RPH3A: variants seen among roughly 807,000 people sequenced by gnomAD.
The protein encoded by RPH3A is rabphilin 3A, also known as rabphilin-3A.
RPH3A carries 48 observed loss-of-function variants against 102.2 expected under a neutral mutation model. That is an observed-to-expected ratio of 0.47 (90% CI 0.37 to 0.60). The LOEUF is 0.60. Among genes scored for constraint, RPH3A ranks in the 20% least tolerant of loss-of-function variants. RPH3A has a pLI of 0.00. For missense variants in RPH3A, 781 were observed against 910.1 expected, an observed-to-expected ratio of 0.86 and a Z score of 1.83; for synonymous variants, 310 against 324.3, an observed-to-expected ratio of 0.96 and a Z score of 0.47.
chr12:112,681,907 T>G (rs1009292022), intron 1 of RPH3A, among the ~76,000 whole-genome samples: 2 of 152,244 alleles, frequency 1.3e-5, no homozygotes, highest in African/African-American at 4.8e-5. Context: ...TTTTTTAGCA[T>G]GGCTTGCAAA....
rs1592958320 is a variant in RPH3A at position 112,713,088 on chromosome 12, CTTCTTCTTCTTCTTT to C, written c.-139-79053_-139-79039del. ...TCTTCTTCTTCTTCTTCTTCTTCTT[CTTCTTCTTCTTCTTT>C]TATTTTTTTGTAGAGAAAGGGTCTC... On this transcript the variant is annotated intron_variant, in intron 1 of 21. Transcript: ENST00000543106. 3.3e-5 allele frequency among the ~76,000 whole-genome samples: 4 copies of C among 120,982 alleles called. 1 individual carries two copies. Among genetic ancestry groups the C allele is most frequent in the South Asian group, 5.7e-4 (2 of 3,480 alleles). 79.4% of individuals were successfully genotyped at this position (120,982 alleles called of 152,430 possible).
At chr12:112,726,455 T>C (rs1441286907) in intron 1 of RPH3A, among the ~76,000 whole-genome samples, 1 of 152,222 alleles carries the variant, frequency 6.6e-6, no homozygotes, top group Admixed American at 6.5e-5. Flanking sequence ...GCTTTGAGTG[T>C]ACCCAGCACC....
intron 1 of RPH3A, among the ~76,000 whole-genome samples, chr12:112,584,424 T>A (rs2039423506): frequency 6.6e-6 from 1 of 152,182 alleles, no homozygotes. Context: ...TATTTGAGCC[T>A]GAACTAACAC....
At chr12:112,785,274 T>C (rs2041040904) in intron 1 of RPH3A, among the ~76,000 whole-genome samples, 2 of 150,854 alleles carry the variant, frequency 1.3e-5, no homozygotes, top group Non-Finnish European at 1.5e-5. Context: ...TGGCAGAGCA[T>C]AGTTAGGCAA....
At chr12:112,774,988 C>G (rs1453049136) in intron 1 of RPH3A, among the ~76,000 whole-genome samples, 2 of 150,502 alleles carry the variant, frequency 1.3e-5, no homozygotes, top group African/African-American at 4.9e-5. Flanking sequence ...AAAGAAAATC[C>G]TTCAAAGAAT....
At chr12:112,628,401 G>A (rs764216375) in intron 1 of RPH3A, among the ~76,000 whole-genome samples, 1 of 151,438 alleles carries the variant, frequency 6.6e-6, no homozygotes, top group African/African-American at 2.4e-5. Context: ...GGGGCAGATT[G>A]GGAAGAGCCT....
intron 1 of RPH3A, among the ~76,000 whole-genome samples, chr12:112,697,590 G>A (rs559375191): frequency 4.6e-5 from 7 of 152,160 alleles, no homozygotes; most frequent in Non-Finnish European, 8.8e-5. Flanking sequence ...ACAGGGCCAG[G>A]CATGGTGACT....
intron 1 of RPH3A, among the ~76,000 whole-genome samples, chr12:112,713,094 CTTCTTCTTTT>C: frequency 9.1e-6 from 1 of 109,626 alleles, no homozygotes; most frequent in South Asian, 3.4e-4. Flanking sequence ...TCTTCTTCTT[CTTCTTCTTTT>C]ATTTTTTTGT....
chr12:112,677,375 CT>C lies in RPH3A; in HGVS notation c.-140+102058del, dbSNP rs1293016600. Among the ~76,000 whole-genome samples the C allele has an allele frequency of 2.6e-3, 109 of 42,240 alleles. 1 individual carries two copies. Among genetic ancestry groups the C allele is most frequent in the African/African-American group, 9.9e-3 (94 of 9,542 alleles). The allele number at this position is 42,240 out of a possible 152,430, so 27.7% of individuals were successfully genotyped here. ...CCTCCCTCCCTCCCTCCCTCCTTCC[CT>C]TCCTCCCTCCCTCCCTCCCTCCCTC... On this transcript the variant is annotated intron_variant, in intron 1 of 21. Transcript: ENST00000543106.
chr12:112,845,020 C>G (rs1315389538), intron 4 of RPH3A, among the ~76,000 whole-genome samples: 1 of 152,240 alleles, frequency 6.6e-6, no homozygotes, highest in Non-Finnish European at 1.5e-5. Context: ...GTCCTCACAA[C>G]ATGGCGGCTG....
At chr12:112,755,956 G>C (rs2040820107) in intron 1 of RPH3A, among the ~76,000 whole-genome samples, 1 of 152,088 alleles carries the variant, frequency 6.6e-6, no homozygotes, top group Non-Finnish European at 1.5e-5. Flanking sequence ...TTTTAAAAAA[G>C]TGGTACATGG....
intron 4 of RPH3A, among the ~76,000 whole-genome samples, chr12:112,839,785 C>G (rs148601822): frequency 1.3e-5 from 2 of 152,094 alleles, no homozygotes; most frequent in Non-Finnish European, 2.9e-5. Context: ...GTCAGGAATT[C>G]GAGACCAGCC....
chr12:112,829,955 A>G (rs2041940838), intron 3 of RPH3A, among the ~76,000 whole-genome samples: 1 of 152,248 alleles, frequency 6.6e-6, no homozygotes, highest in Non-Finnish European at 1.5e-5. Context: ...TTCTCCTTGA[A>G]GTACATAAGG....
intron 2 of RPH3A, among the ~76,000 whole-genome samples, chr12:112,812,305 T>C (rs1485506784): frequency 6.6e-6 from 1 of 152,182 alleles, no homozygotes; most frequent in African/African-American, 2.4e-5. Flanking sequence ...AGGGTGTTAG[T>C]ACCAGGAGAA....
At chr12:112,714,088 T>C (rs1176086084) in intron 1 of RPH3A, among the ~76,000 whole-genome samples, 1 of 152,122 alleles carries the variant, frequency 6.6e-6, no homozygotes, top group African/African-American at 2.4e-5. Context: ...TGTTCTGGTC[T>C]CTAATAAGTG....
chr12:112,803,540 C>T (rs1044696575), intron 2 of RPH3A, among the ~76,000 whole-genome samples: 18 of 151,446 alleles, frequency 1.2e-4, no homozygotes, highest in African/African-American at 3.6e-4. Context: ...ACACAGGCTA[C>T]AGAAGATAAG....
intron 1 of RPH3A, among the ~76,000 whole-genome samples, chr12:112,609,951 A>G (rs75368395): frequency 0.014 from 2,206 of 152,242 alleles, 55 homozygotes; most frequent in African/African-American, 0.051. Flanking sequence ...CTCGCTTGAA[A>G]TCTATCAATG....
At chr12:112,837,680 T>C (rs2042075666) in intron 4 of RPH3A, 1 of 448,456 alleles carries the variant, frequency 2.2e-6, no homozygotes, top group Non-Finnish European at 4.5e-6. Context: ...ATGAATATAT[T>C]ATTCAGACAT....
chr12:112,666,349 A>G (rs1192559626), intron 1 of RPH3A, among the ~76,000 whole-genome samples: 2 of 152,060 alleles, frequency 1.3e-5, no homozygotes, highest in African/African-American at 2.4e-5. Flanking sequence ...AGATGTGACT[A>G]CATTCTGGAT....
Sources: allele counts gnomAD v4.1 joint callset (sites outside exome capture counted in the v4.1 genomes callset), GRCh38; gene constraint gnomAD v4.1.1; transcripts MANE v1.5; gene names NCBI Gene and HGNC (gene_info 2026-07-23, HGNC 2026-07-21).